The following MPHOSPH9 variants were observed in gnomAD, a reference collection of about 807,000 sequenced individuals.
MPHOSPH9 encodes M-phase phosphoprotein 9.
Under a neutral mutation model 145.5 loss-of-function variants are expected in MPHOSPH9, and 88 were observed. That is an observed-to-expected ratio of 0.60 (90% CI 0.51 to 0.72). MPHOSPH9 has a LOEUF of 0.72. Among genes scored for constraint, MPHOSPH9 ranks in the 30% least tolerant of loss-of-function variants. MPHOSPH9 has a pLI of 0.00. For synonymous variants in MPHOSPH9, 435 were observed against 486.2 expected (o/e 0.89, Z 1.39); for missense variants, 1,238 against 1,386.6 (o/e 0.89, Z 1.70).
Position 123,156,876 on chromosome 12 carries a change from AT to A in MPHOSPH9, c.3482del (p.Asn1161IlefsTer9). On this transcript the variant is annotated frameshift_variant, in exon 24 of 24. Transcript: ENST00000606320. LOFTEE classifies it high-confidence loss of function. The part of the protein sequence containing the change: ...EALEDRLERI[N>X]RELGSVRMTL... ...TCATGCGAACTGAACCCAGTTCTCG[AT>A]TAATCCTTTCCAAACGATCTTCCAA... 1 of 1,610,334 alleles carries A rather than the reference AT, an allele frequency of 6.2e-7. No individual in the cohort carries two copies. The highest frequency in any genetic ancestry group is 8.5e-7 in the Non-Finnish European group (1 of 1,177,140).
intron 2 of MPHOSPH9, among the ~76,000 whole-genome samples, chr12:123,227,984 G>A (rs941432152): frequency 1.3e-5 from 2 of 152,166 alleles, no homozygotes; most frequent in African/African-American, 2.4e-5. Flanking sequence ...TCATTGTGCA[G>A]TGGGGATTCT....
downstream of MPHOSPH9, among the ~76,000 whole-genome samples, chr12:123,154,017 G>A (rs746006652): frequency 1.3e-5 from 2 of 152,046 alleles, no homozygotes; most frequent in Non-Finnish European, 2.9e-5. Context: ...ACCCTAGCAC[G>A]GCCACTTTAG....
At chr12:123,218,565 G>A (rs192341086) in intron 5 of MPHOSPH9, 66 bp from the exon 6 acceptor site, 164 of 1,495,574 alleles carry the variant, frequency 1.1e-4, no homozygotes, top group Non-Finnish European at 1.4e-4. Context: ...TTGCTGTGTC[G>A]CCCAGGCTGG....
chr12:123,168,381 A>G (rs113037745), intron 16 of MPHOSPH9, among the ~76,000 whole-genome samples: 5,887 of 140,336 alleles, frequency 0.042, 133 homozygotes, highest in South Asian at 0.08. Flanking sequence ...TCGCTCTGTC[A>G]CCCAGGCTGG....
In MPHOSPH9 at chr12:123,222,995, T is replaced by C. The variant is rs1485434373; in HGVS notation, c.348+43A>G. 3.9e-6 allele frequency: 4 copies of C among 1,019,752 alleles called. 1 individual carries two copies. The South Asian group carries it at 5.8e-5, about 15-fold the overall frequency. 63.2% of individuals were successfully genotyped at this position (1,019,752 alleles called of 1,614,324 possible). On this transcript the variant is annotated intron_variant, in intron 4 of 23. Transcript: ENST00000606320. ...GTGTGTGTGTGTATATGTACGTATG[T>C]ATATGTATATAAAAAAAGGAATCAA...
chr12:123,217,205 C>CT (rs770326847), intron 6 of MPHOSPH9, among the ~76,000 whole-genome samples: 71 of 144,204 alleles, frequency 4.9e-4, no homozygotes, highest in Non-Finnish European at 5.4e-4. Context: ...AAATTTCAAC[C>CT]TTTTTTTTTT....
chr12:123,192,122 A>G (rs774827833), intron 13 of MPHOSPH9, among the ~76,000 whole-genome samples: 21 of 152,162 alleles, frequency 1.4e-4, no homozygotes, highest in Non-Finnish European at 1.2e-4. Context: ...AGACTCCTCA[A>G]TGGAAGCTAA....
Position 123,202,311 on chromosome 12 carries a change from T to G in MPHOSPH9, c.1790A>C (p.Gln597Pro). Residue 597 changes from glutamine to proline, a missense_variant, in exon 11 of 24, where the codon CAG (glutamine) becomes CCG (proline). Physicochemically the swap from Gln to Pro is moderately conservative, Grantham distance 76. Around this residue, in one of 3 missense-constraint regions of MPHOSPH9, gnomAD observed 837 missense variants for 897.5 expected, o/e 0.93. Transcript: ENST00000606320. Reference protein sequence around the residue: ...EDPVILSKIRQNLKEKHARHI... With the variant: ...EDPVILSKIRPNLKEKHARHI... ...TCGAGCATGCTTTTCCTTCAGATTCTGCCTAATCCTTATTCAGTGAGAATA... is the reference window on the plus strand; with the variant it reads ...TCGAGCATGCTTTTCCTTCAGATTCGGCCTAATCCTTATTCAGTGAGAATA... The G allele has an allele frequency of 6.3e-7, 1 of 1,599,076 alleles. No individual in the cohort carries two copies. Among genetic ancestry groups the G allele is most frequent in the Non-Finnish European group, 8.5e-7 (1 of 1,175,972 alleles).
rs1593237721 is a variant in MPHOSPH9, at chr12:123,223,132, T to G, written c.259-5A>C. 21 of 1,362,076 alleles carry G rather than the reference T, an allele frequency of 1.5e-5. No homozygotes were observed. The highest frequency in any genetic ancestry group is 2.0e-5 in the Non-Finnish European group (21 of 1,058,092). 84.4% of individuals were successfully genotyped at this position (1,362,076 alleles called of 1,614,324 possible). A position where few individuals can be genotyped will look rare whatever the true frequency, so the allele number is the denominator to read the frequency against. On this transcript the variant is annotated splice_polypyrimidine_tract_variant and splice_region_variant and intron_variant, in intron 3 of 23. Coordinates refer to ENST00000606320, the MANE Select transcript of MPHOSPH9 (RefSeq NM_022782.4). Reference sequence around the variant, plus strand: ...GAATAGCTGTAACCACCTGGTCTATTAAATTATAAAATATTTTAGTTAAAA... The same window carrying G: ...GAATAGCTGTAACCACCTGGTCTATGAAATTATAAAATATTTTAGTTAAAA...
Position 123,176,749 on chromosome 12 carries a change from G to T in MPHOSPH9, c.2395C>A (p.His799Asn), listed in dbSNP as rs1473863779. ...TGACGAAGGCTTAACATATTTTCAT[G>T]TTCTACTTGCTTGACCTGAGCTTCA... ...KLEAQVKQVE[H>N]ENMLSLRHNS... The change falls in exon 16 of 24, where the codon CAT (histidine) becomes AAT (asparagine). Residue 799 changes from histidine (H) to asparagine (N), a missense_variant. Around this residue, in one of 3 missense-constraint regions of MPHOSPH9, gnomAD observed 8 missense variants for 26.6 expected, o/e 0.30. Coordinates refer to ENST00000606320, the MANE Select transcript of MPHOSPH9 (RefSeq NM_022782.4). The T allele has an allele frequency of 6.2e-7, 1 of 1,613,750 alleles. No homozygotes were observed. The highest frequency in any genetic ancestry group is 8.5e-7 in the Non-Finnish European group (1 of 1,179,914).
At chr12:123,165,172 G>C in intron 18 of MPHOSPH9, 130 bp downstream of exon 18, 1 of 759,156 alleles carries the variant, frequency 1.3e-6, no homozygotes, top group East Asian at 2.7e-5. Flanking sequence ...GGCTGAAGTA[G>C]CAGTAAAATA....
intron 13 of MPHOSPH9, among the ~76,000 whole-genome samples, chr12:123,189,019 G>A (rs979496598): frequency 3.3e-5 from 5 of 152,284 alleles, no homozygotes; most frequent in South Asian, 4.1e-4. Flanking sequence ...TTGAATGACA[G>A]AGCAAGACTC....
chr12:123,230,512 T>A lies in MPHOSPH9; in HGVS notation c.-148A>T. ...TCAGAACTGTGAAATATCCTAAACT[T>A]CCAAGAGAGTCTGAAAATGAATGGG... On this transcript the variant is annotated 5_prime_UTR_variant, in exon 2 of 24. It introduces an in-frame stop codon into an upstream open reading frame of the 5' UTR. Coordinates refer to ENST00000606320, the MANE Select transcript of MPHOSPH9 (RefSeq NM_022782.4). 1 of 474,934 alleles carries A rather than the reference T, an allele frequency of 2.1e-6. No homozygotes were observed. Among genetic ancestry groups the A allele is most frequent in the Non-Finnish European group, 3.7e-6 (1 of 268,256 alleles). The allele number at this position is 474,934 out of a possible 1,614,324, so 29.4% of individuals were successfully genotyped here.
intron 13 of MPHOSPH9, among the ~76,000 whole-genome samples, chr12:123,190,333 T>G (rs2045624753): frequency 6.6e-6 from 1 of 152,068 alleles, no homozygotes; most frequent in African/African-American, 2.4e-5. Flanking sequence ...TTTGTATTTT[T>G]AGTAGAGACG....
chr12:123,204,973 A>G (rs772536123), intron 8 of MPHOSPH9, among the ~76,000 whole-genome samples: 1 of 152,196 alleles, frequency 6.6e-6, no homozygotes, highest in Non-Finnish European at 1.5e-5. Context: ...GGCTCTAAAC[A>G]CTAAAACTTT....
At chr12:123,211,906 G>A (rs2046739791) in intron 7 of MPHOSPH9, among the ~76,000 whole-genome samples, 1 of 151,760 alleles carries the variant, frequency 6.6e-6, no homozygotes, top group African/African-American at 2.4e-5. Flanking sequence ...TGTTGCCCAG[G>A]CTGGTCTCAA....
chr12:123,161,420 C>T, intron 21 of MPHOSPH9, 37 bp from the exon 22 acceptor site: 1 of 1,608,184 alleles, frequency 6.2e-7, no homozygotes, highest in Non-Finnish European at 8.5e-7. Flanking sequence ...TATTTCTTAT[C>T]AATTTTTCGT....
chr12:123,163,924 A>T (rs1349801634), intron 19 of MPHOSPH9, 26 bp downstream of exon 19: 2 of 1,612,630 alleles, frequency 1.2e-6, no homozygotes, highest in African/African-American at 1.3e-5. Context: ...TTTTGAACCC[A>T]AGAGATGTAC....
At chr12:123,202,410 G>T in intron 10 of MPHOSPH9, 91 bp from the exon 11 acceptor site, 1 of 1,342,056 alleles carries the variant, frequency 7.5e-7, no homozygotes, top group Non-Finnish European at 1.0e-6. Flanking sequence ...GATTCTCATG[G>T]GCAAAAATAT....
Sources: allele counts gnomAD v4.1 joint callset (sites outside exome capture counted in the v4.1 genomes callset), GRCh38; gene constraint gnomAD v4.1.1; regional missense constraint gnomAD v4.1.1; transcripts MANE v1.5; gene names NCBI Gene and HGNC (gene_info 2026-07-23, HGNC 2026-07-21).